DSCAM: variants seen among roughly 807,000 people sequenced by gnomAD.
The protein encoded by DSCAM is DS cell adhesion molecule.
Under a neutral mutation model 217.7 loss-of-function variants are expected in DSCAM, and 47 were observed. The observed-to-expected ratio is 0.22, with a 90% confidence interval of 0.17 to 0.28. The LOEUF (loss-of-function observed/expected upper bound fraction) is 0.28, where lower values mean the gene tolerates loss of function less well. Among genes scored for constraint, DSCAM ranks in the 10% least tolerant of loss-of-function variants. The pLI is 1.00. For missense variants in DSCAM, 2,080 were observed against 2,618.3 expected, an observed-to-expected ratio of 0.79 and a Z score of 4.49; for synonymous variants, 1,056 against 1,015.3, an observed-to-expected ratio of 1.04 and a Z score of -0.76.
chr21:40,514,631 A>G (rs1288719801), intron 3 of DSCAM, among the ~76,000 whole-genome samples: 1 of 152,236 alleles, frequency 6.6e-6, no homozygotes, highest in Admixed American at 6.5e-5. Context: ...TGAAAAAACT[A>G]ACGATCCTTT....
chr21:40,483,624 A>T (rs1177156479), intron 3 of DSCAM, among the ~76,000 whole-genome samples: 1 of 152,206 alleles, frequency 6.6e-6, no homozygotes, highest in Admixed American at 6.5e-5. Flanking sequence ...ACATAAGTTA[A>T]AATTTCTTAA....
intron 28 of DSCAM, among the ~76,000 whole-genome samples, chr21:40,058,889 C>A (rs2089069979): frequency 6.6e-6 from 1 of 152,182 alleles, no homozygotes; most frequent in Admixed American, 6.5e-5. Context: ...TTTTGCATGG[C>A]ATAGGATCAT....
At chr21:40,611,810 CA>C (rs2089319417) in intron 3 of DSCAM, among the ~76,000 whole-genome samples, 1 of 151,226 alleles carries the variant, frequency 6.6e-6, no homozygotes, top group Non-Finnish European at 1.5e-5. Flanking sequence ...CTAAATCACA[CA>C]ACTAATTATT....
chr21:40,279,377 C>G (rs907246826), intron 10 of DSCAM, among the ~76,000 whole-genome samples: 1 of 150,974 alleles, frequency 6.6e-6, no homozygotes, highest in African/African-American at 2.4e-5. Flanking sequence ...TGAAAAAAAG[C>G]TCATCATCAC....
Position 40,238,720 on chromosome 21 carries a change from G to A in DSCAM, c.2356+37377C>T, listed in dbSNP as rs535653220. On this transcript the variant is annotated intron_variant, in intron 11 of 32. Coordinates refer to ENST00000400454, the MANE Select transcript of DSCAM (RefSeq NM_001389.5). Reference sequence around the variant, plus strand: ...CATGCCTAAACCATGTCTAAGTACCGGCTTGACATGGCCTTAAATGACATG... The same window carrying A: ...CATGCCTAAACCATGTCTAAGTACCAGCTTGACATGGCCTTAAATGACATG... 1.2e-4 allele frequency among the ~76,000 whole-genome samples: 19 copies of A among 152,256 alleles called. No homozygotes were observed. The East Asian group carries it at 1.7e-3, about 14-fold the overall frequency.
At chr21:40,203,431 G>A (rs1247137068) in intron 11 of DSCAM, among the ~76,000 whole-genome samples, 1 of 152,162 alleles carries the variant, frequency 6.6e-6, no homozygotes, top group East Asian at 1.9e-4. Flanking sequence ...CCCCCACCTG[G>A]GGGCTGCTTT....
At chr21:40,588,753 T>C (rs764311356) in intron 3 of DSCAM, among the ~76,000 whole-genome samples, 9 of 152,226 alleles carry the variant, frequency 5.9e-5, no homozygotes, top group Non-Finnish European at 1.3e-4. Flanking sequence ...TTTTTCTGCA[T>C]GTATTATTCA....
chr21:40,683,895 G>A (rs912294752), intron 3 of DSCAM, among the ~76,000 whole-genome samples: 1 of 152,046 alleles, frequency 6.6e-6, no homozygotes, highest in African/African-American at 2.4e-5. Context: ...AGACGCGGGC[G>A]CAAAAACACC....
Position 40,666,446 on chromosome 21 carries a change from C to T in DSCAM, c.508+26364G>A, listed in dbSNP as rs536611669. On this transcript the variant is annotated intron_variant, in intron 3 of 32. Coordinates refer to ENST00000400454, the MANE Select transcript of DSCAM (RefSeq NM_001389.5). Reference sequence around the variant, plus strand: ...TGGCAGAGCTTGGGTTCCAGGTGGTCCCATTGCTGATACTTTCATCCCTGA... The same window carrying T: ...TGGCAGAGCTTGGGTTCCAGGTGGTTCCATTGCTGATACTTTCATCCCTGA... Among the ~76,000 whole-genome samples, 13 of 152,224 alleles carry T rather than the reference C, an allele frequency of 8.5e-5. No individual in the cohort carries two copies. The East Asian group carries it at 1.9e-3, about 23-fold the overall frequency.
intron 28 of DSCAM, among the ~76,000 whole-genome samples, chr21:40,060,080 T>C (rs994746547): frequency 1.4e-4 from 21 of 152,234 alleles, no homozygotes; most frequent in African/African-American, 3.9e-4. Flanking sequence ...AATCCACCTA[T>C]TGGAGGAGCT....
chr21:40,763,601 T>C (rs1454079401), intron 1 of DSCAM, among the ~76,000 whole-genome samples: 1 of 152,130 alleles, frequency 6.6e-6, no homozygotes, highest in Admixed American at 6.6e-5. Context: ...CTACTTTAAA[T>C]TTCATACGGA....
intron 10 of DSCAM, among the ~76,000 whole-genome samples, chr21:40,286,701 T>TCTGTACGTGAC (rs1430952790): frequency 7.1e-5 from 10 of 139,972 alleles, no homozygotes; most frequent in African/African-American, 3.3e-4. Flanking sequence ...CTCAGTGTGA[T>TCTGTACGTGAC]CTGCAGTGTC....
intron 9 of DSCAM, among the ~76,000 whole-genome samples, chr21:40,298,373 G>A (rs1477923889): frequency 6.6e-6 from 1 of 152,014 alleles, no homozygotes; most frequent in Non-Finnish European, 1.5e-5. Flanking sequence ...GAGCCACTGC[G>A]CACGGCCTGA....
chr21:40,359,831 T>C (rs1261490168), intron 4 of DSCAM, among the ~76,000 whole-genome samples: 1 of 152,110 alleles, frequency 6.6e-6, no homozygotes, highest in Non-Finnish European at 1.5e-5. Flanking sequence ...GAGGAATCTT[T>C]TGGGTGGTGA....
chr21:40,187,729 T>C (rs1177552250), intron 13 of DSCAM, among the ~76,000 whole-genome samples, 162 bp downstream of exon 13: 1 of 152,218 alleles, frequency 6.6e-6, no homozygotes, highest in Non-Finnish European at 1.5e-5. Flanking sequence ...TCCCAGGCAC[T>C]GCAAAATTCT....
intron 1 of DSCAM, among the ~76,000 whole-genome samples, chr21:40,765,791 T>G (rs1265538235): frequency 1.3e-5 from 2 of 152,246 alleles, no homozygotes; most frequent in Admixed American, 6.5e-5. Context: ...TCTCATTGCA[T>G]GATCAGCGAT....
At chr21:40,800,785 G>A (rs371024040) in intron 1 of DSCAM, among the ~76,000 whole-genome samples, 10 of 147,350 alleles carry the variant, frequency 6.8e-5, no homozygotes, top group Non-Finnish European at 1.2e-4. Flanking sequence ...GCACAATCTC[G>A]GCTCACTGCA....
At chr21:40,764,962 C>A (rs1037467825) in intron 1 of DSCAM, among the ~76,000 whole-genome samples, 2 of 151,840 alleles carry the variant, frequency 1.3e-5, no homozygotes, top group Non-Finnish European at 2.9e-5. Context: ...GGGTGGAGGG[C>A]AAGGAGAGGG....
At chr21:40,394,490 A>G (rs1462947931) in intron 3 of DSCAM, among the ~76,000 whole-genome samples, 1 of 152,236 alleles carries the variant, frequency 6.6e-6, no homozygotes, top group Non-Finnish European at 1.5e-5. Flanking sequence ...GTCTCCATAC[A>G]TACACAATGC....
Sources: gnomAD v4.1 joint callset for allele counts (sites outside exome capture counted in the v4.1 genomes callset) on GRCh38, gnomAD v4.1.1 for gene constraint, MANE v1.5 for transcripts, NCBI Gene and HGNC (gene_info 2026-07-23, HGNC 2026-07-21) for gene names.